ZPBP: variants seen among roughly 807,000 people sequenced by gnomAD.
ZPBP encodes the protein zona pellucida binding protein, also known as zona pellucida-binding protein 1.
A neutral mutation model predicts 44.8 loss-of-function variants in ZPBP; 26 were observed. The ratio of observed to expected loss-of-function variants is 0.58; its 90% CI spans 0.43 to 0.81. The LOEUF is 0.81. Ranked by LOEUF, ZPBP falls within the 30% of genes least tolerant of loss-of-function variation. The probability of loss-of-function intolerance (pLI) is 0.00; values close to 1 mark genes in which losing one functional copy is unlikely to be tolerated. For missense variants in ZPBP, 409 were observed against 434.0 expected, an observed-to-expected ratio of 0.94 and a Z score of 0.51; for synonymous variants, 174 against 153.2, an observed-to-expected ratio of 1.14 and a Z score of -1.00.
chr7:50,052,088 A>G (rs917306908), intron 4 of ZPBP, among the ~76,000 whole-genome samples: 10 of 152,348 alleles, frequency 6.6e-5, no homozygotes, highest in African/African-American at 2.4e-4. Context: ...ACAAAAGCAA[A>G]TCTGATAAAC....
intron 2 of ZPBP, among the ~76,000 whole-genome samples, chr7:49,900,214 A>C (rs894612328): frequency 1.3e-5 from 2 of 151,744 alleles, no homozygotes; most frequent in Non-Finnish European, 3.0e-5. Flanking sequence ...TGAATGCATA[A>C]ATTAGAAAAG....
intron 7 of ZPBP, among the ~76,000 whole-genome samples, chr7:49,963,203 A>G (rs1795927380): frequency 1.3e-5 from 2 of 151,522 alleles, no homozygotes; most frequent in Admixed American, 6.6e-5. Context: ...TTTAAGTTTT[A>G]GGATGGTTAA....
rs57768700 is a variant in ZPBP at position 49,859,790 on chromosome 7, GCA to G, written n.510-9278_510-9277del. ...GATGTGTCTTACAGTGCGCGTGCGTGCACACACACACACACACACACACACAC... is the reference window on the plus strand; with the variant it reads ...GATGTGTCTTACAGTGCGCGTGCGTGCACACACACACACACACACACACAC... On this transcript the variant is annotated intron_variant and non_coding_transcript_variant, in intron 2 of 2. Coordinates refer to the ZPBP transcript ENST00000465922. Among the ~76,000 whole-genome samples, 87 of 12,002 alleles carry G rather than the reference GCA, an allele frequency of 7.2e-3. 1 individual carries two copies. The highest frequency in any genetic ancestry group is 9.4e-3 in the Admixed American group (9 of 958). 7.9% of individuals were successfully genotyped at this position (12,002 alleles called of 152,430 possible). A position where few individuals can be genotyped will look rare whatever the true frequency, so the allele number is the denominator to read the frequency against.
At chr7:49,847,542 G>A (rs1789990398), downstream of ZPBP, among the ~76,000 whole-genome samples, 1 of 152,142 alleles carries the variant, frequency 6.6e-6, no homozygotes, top group Non-Finnish European at 1.5e-5. Flanking sequence ...AACAGATCAT[G>A]AGATGATCAT....
At chr7:50,025,688 T>C (rs1799288970) in intron 5 of ZPBP, among the ~76,000 whole-genome samples, 1 of 151,724 alleles carries the variant, frequency 6.6e-6, no homozygotes, top group South Asian at 2.1e-4. Context: ...ACAAAGAAAA[T>C]TAAAGTGACC....
chr7:49,936,592 T>C (rs1794627298), downstream of ZPBP, among the ~76,000 whole-genome samples: 1 of 152,320 alleles, frequency 6.6e-6, no homozygotes, highest in South Asian at 2.1e-4. Flanking sequence ...AAACAGTGCA[T>C]GCTGGAGAGA....
At position 50,044,439 on chromosome 7, in the gene ZPBP, AAG is replaced by A. The variant is rs544335840; in HGVS notation, c.488-13131_488-13130del. ...TGCTAGCCAGACTAATAAAGAAGAA[AAG>A]AGAGAAGAATCAAACGGACACAATA... On this transcript the variant is annotated intron_variant, in intron 4 of 7. Transcript: ENST00000046087. 4.6e-3 allele frequency among the ~76,000 whole-genome samples: 697 copies of A among 152,278 alleles called. 3 individuals are homozygous for A. The highest frequency in any genetic ancestry group is 0.016 in the African/African-American group (661 of 41,556).
intron 1 of ZPBP, chr7:49,916,161 T>G (rs533068625): frequency 6.6e-6 from 1 of 152,346 alleles, no homozygotes; most frequent in African/African-American, 2.4e-5. Flanking sequence ...ATTATTTTAG[T>G]TTTCTAAATG....
chr7:49,922,708 T>C (rs1326598364), intron 1 of ZPBP, among the ~76,000 whole-genome samples: 2 of 152,164 alleles, frequency 1.3e-5, no homozygotes, highest in Non-Finnish European at 2.9e-5. Context: ...AGAGTCTGGG[T>C]ATACAAAGGC....
intron 7 of ZPBP, among the ~76,000 whole-genome samples, chr7:49,947,960 C>T (rs1583894661): frequency 6.6e-6 from 1 of 152,234 alleles, no homozygotes; most frequent in Non-Finnish European, 1.5e-5. Context: ...ATAGTAGTCT[C>T]TCTCTATGAC....
chr7:50,083,353 G>A (rs2128853302), intron 2 of ZPBP, among the ~76,000 whole-genome samples: 1 of 151,928 alleles, frequency 6.6e-6, no homozygotes, highest in Non-Finnish European at 1.5e-5. Flanking sequence ...ACATCTTCAG[G>A]CTCTAACAAA....
chr7:49,926,611 G>A (rs928538788), intron 1 of ZPBP, among the ~76,000 whole-genome samples: 7 of 152,158 alleles, frequency 4.6e-5, no homozygotes, highest in Admixed American at 2.0e-4. Context: ...TGAATGAATC[G>A]CAGAGACCCA....
intron 3 of ZPBP, among the ~76,000 whole-genome samples, chr7:50,072,538 G>A (rs951131061): frequency 1.3e-5 from 2 of 152,194 alleles, no homozygotes; most frequent in Admixed American, 6.5e-5. Context: ...GTTACAGCAG[G>A]CCTGGCTTCA....
chr7:50,035,952 T>C (rs1193125096), intron 4 of ZPBP, among the ~76,000 whole-genome samples: 1 of 152,024 alleles, frequency 6.6e-6, no homozygotes, highest in Non-Finnish European at 1.5e-5. Context: ...AATATCGTCA[T>C]TGAAATAAAA....
intron 1 of ZPBP, chr7:49,916,329 C>T (rs1793723449): frequency 6.6e-6 from 1 of 152,152 alleles, no homozygotes; most frequent in African/African-American, 2.4e-5. Flanking sequence ...GCCCTGGGTA[C>T]CACAGACTAT....
chr7:50,039,061 G>A (rs1260393943), intron 4 of ZPBP, among the ~76,000 whole-genome samples: 1 of 152,058 alleles, frequency 6.6e-6, no homozygotes, highest in East Asian at 1.9e-4. Context: ...GTAAGGAAAC[G>A]GGACATATAC....
intron 6 of ZPBP, 127 bp downstream of exon 6, chr7:50,018,112 TA>T: frequency 4.4e-6 from 3 of 687,226 alleles, no homozygotes; most frequent in East Asian, 5.4e-5. Flanking sequence ...GGTAAAGTTT[TA>T]TTTTTATTGT....
At position 50,033,853 on chromosome 7, in the gene ZPBP, C is replaced by T. The variant is rs184538092; in HGVS notation, c.488-2543G>A. On this transcript the variant is annotated intron_variant, in intron 4 of 7. Transcript: ENST00000046087. ...GATTACAGGTGTGCACCACCATACC[C>T]GGCTAATTTTTGTATTTTTAGTAGA... 1.9e-4 allele frequency among the ~76,000 whole-genome samples: 29 copies of T among 152,038 alleles called. No homozygotes were observed. The East Asian group carries it at 4.1e-3, about 21-fold the overall frequency.
chr7:49,882,183 TA>T (rs978367735), intron 2 of ZPBP, among the ~76,000 whole-genome samples: 2 of 152,172 alleles, frequency 1.3e-5, no homozygotes, highest in African/African-American at 4.8e-5. Flanking sequence ...TTTATTAATT[TA>T]AAAGAGAACA....
Sources: gnomAD v4.1 joint callset for allele counts (sites outside exome capture counted in the v4.1 genomes callset) on GRCh38, gnomAD v4.1.1 for gene constraint, MANE v1.5 for transcripts, NCBI Gene and HGNC (gene_info 2026-07-23, HGNC 2026-07-21) for gene names.